Variants in CNTN4 observed in about 807,000 individuals in gnomAD.
CNTN4 encodes contactin 4, also known as contactin-4.
Under a neutral mutation model 122.5 loss-of-function variants are expected in CNTN4, and 77 were observed. That is an observed-to-expected ratio of 0.63 (90% CI 0.52 to 0.76). The LOEUF is 0.76. CNTN4 is among the 30% of genes least tolerant of loss of function. CNTN4 has a pLI of 0.00. For synonymous variants in CNTN4, 512 were observed against 447.0 expected, an observed-to-expected ratio of 1.15 and a Z score of -1.83; for missense variants, 1,256 against 1,259.1, an observed-to-expected ratio of 1.00 and a Z score of 0.04.
chr3:2,925,578 T>TC (rs760832259), intron 12 of CNTN4, 51 bp from the exon 13 acceptor site: 1 of 1,565,412 alleles, frequency 6.4e-7, no homozygotes, highest in South Asian at 1.1e-5. Flanking sequence ...TAAGGAATTA[T>TC]CTCATGGAAG....
chr3:2,829,272 T>C (rs2150358076), intron 7 of CNTN4, among the ~76,000 whole-genome samples: 2 of 152,304 alleles, frequency 1.3e-5, no homozygotes, highest in African/African-American at 4.8e-5. Flanking sequence ...GCCTCCTGTT[T>C]CACCCATTGA....
intron 4 of CNTN4, among the ~76,000 whole-genome samples, chr3:2,591,406 C>T (rs1301517368): frequency 7.8e-5 from 3 of 38,638 alleles, no homozygotes; most frequent in African/African-American, 1.8e-4. Context: ...GCTCTGTCGC[C>T]CAGGCTGGAG....
intron 18 of CNTN4, among the ~76,000 whole-genome samples, chr3:3,038,285 A>T (rs939842032): frequency 6.6e-6 from 1 of 152,122 alleles, no homozygotes; most frequent in African/African-American, 2.4e-5. Flanking sequence ...AAGCTCGCAT[A>T]ATTTCCTCTC....
rs1338340514 is a variant in CNTN4 at position 2,385,706 on chromosome 3, T to G, written c.-89+46473T>G. On this transcript the variant is annotated intron_variant, in intron 3 of 24. Coordinates refer to ENST00000418658, the MANE Select transcript of CNTN4 (RefSeq NM_175607.3). The surrounding 1 kb of genome is among the most constrained non-coding windows in gnomAD (Gnocchi z 4.0). ...TCACATGCTGCATTCCCTGTATGCC[T>G]GTGTGTTCAAATTTTTTCCTCTTCT... 6.6e-6 allele frequency among the ~76,000 whole-genome samples: 1 copy of G among 152,100 alleles called. No homozygotes were observed. Among genetic ancestry groups the G allele is most frequent in the Non-Finnish European group, 1.5e-5 (1 of 68,038 alleles).
intron 3 of CNTN4, among the ~76,000 whole-genome samples, chr3:2,492,261 G>A (rs11129164): frequency 0.28 from 42,064 of 151,980 alleles, 6,916 homozygotes; most frequent in Admixed American, 0.4. Context: ...TTATTATAGC[G>A]CCTGTTTTAT....
chr3:2,189,329 G>A (rs945491108), intron 2 of CNTN4, among the ~76,000 whole-genome samples: 2 of 152,172 alleles, frequency 1.3e-5, no homozygotes, highest in African/African-American at 2.4e-5. Context: ...GCCGCTAGAA[G>A]GCTGACCTGG....
intron 4 of CNTN4, among the ~76,000 whole-genome samples, chr3:2,672,742 T>C (rs994766046): frequency 2.6e-5 from 4 of 152,192 alleles, no homozygotes; most frequent in Non-Finnish European, 4.4e-5. Flanking sequence ...ATCTATAAAA[T>C]GTTTTAAATA....
At chr3:2,944,557 G>T (rs1263058810) in intron 13 of CNTN4, among the ~76,000 whole-genome samples, 4 of 152,062 alleles carry the variant, frequency 2.6e-5, no homozygotes, top group African/African-American at 9.7e-5. Context: ...TTGAATACTA[G>T]ACTCTATTAA....
intron 6 of CNTN4, among the ~76,000 whole-genome samples, chr3:2,795,593 T>C (rs1231692463): frequency 6.6e-6 from 1 of 150,552 alleles, no homozygotes; most frequent in Non-Finnish European, 1.5e-5. Flanking sequence ...CCATCTCGGC[T>C]CAGTGCAAGC....
At chr3:2,141,394 A>C (rs948965983) in intron 2 of CNTN4, among the ~76,000 whole-genome samples, 18 of 152,268 alleles carry the variant, frequency 1.2e-4, no homozygotes, top group African/African-American at 4.3e-4. Flanking sequence ...ACCATAAGCC[A>C]AGGATCAAGG....
intron 4 of CNTN4, among the ~76,000 whole-genome samples, chr3:2,613,988 T>C (rs1559305567): frequency 1.3e-5 from 2 of 152,102 alleles, no homozygotes; most frequent in African/African-American, 2.4e-5. Flanking sequence ...ATGAATGAGA[T>C]AGATAAAGTA....
chr3:2,799,692 A>G (rs914192020), intron 6 of CNTN4, among the ~76,000 whole-genome samples: 7 of 152,128 alleles, frequency 4.6e-5, no homozygotes, highest in African/African-American at 1.7e-4. Flanking sequence ...TCAAACTCCT[A>G]TAGTTTCAGG....
At chr3:2,280,268 C>G (rs1274463092) in intron 2 of CNTN4, among the ~76,000 whole-genome samples, 1 of 152,052 alleles carries the variant, frequency 6.6e-6, no homozygotes. Flanking sequence ...TATCAACAGG[C>G]ATTTATAAGC....
chr3:2,369,780 T>A (rs191952861), intron 3 of CNTN4, among the ~76,000 whole-genome samples: 168 of 152,002 alleles, frequency 1.1e-3, no homozygotes, highest in Middle Eastern at 6.8e-3. Context: ...GTCAGAAAGT[T>A]AAAAAAAATA....
intron 16 of CNTN4, among the ~76,000 whole-genome samples, chr3:3,032,854 G>A (rs559973429): frequency 6.6e-6 from 1 of 152,292 alleles, no homozygotes; most frequent in South Asian, 2.1e-4. Flanking sequence ...CATTTTGAAA[G>A]AGGGAGTCCA....
At chr3:2,629,109 C>A (rs2082316679) in intron 4 of CNTN4, among the ~76,000 whole-genome samples, 1 of 152,058 alleles carries the variant, frequency 6.6e-6, no homozygotes, top group Non-Finnish European at 1.5e-5. Context: ...AAGCCTTAAC[C>A]CCCAAATGTG....
chr3:2,776,854 C>G (rs763347493), intron 6 of CNTN4, among the ~76,000 whole-genome samples: 1 of 152,158 alleles, frequency 6.6e-6, no homozygotes, highest in Non-Finnish European at 1.5e-5. Context: ...CCCCTTCATT[C>G]AAACATCTTA....
At chr3:2,884,737 A>G (rs1577150836) in intron 9 of CNTN4, among the ~76,000 whole-genome samples, 1 of 152,228 alleles carries the variant, frequency 6.6e-6, no homozygotes, top group East Asian at 1.9e-4. Context: ...TTGAAAAATC[A>G]TCTGTGAAAA....
chr3:2,964,098 G>A (rs1257425081), intron 13 of CNTN4, among the ~76,000 whole-genome samples: 1 of 152,124 alleles, frequency 6.6e-6, no homozygotes, highest in East Asian at 1.9e-4. Context: ...CACTATTAGT[G>A]TTTTTGAGCA....
Sources: gnomAD v4.1 joint callset for allele counts (sites outside exome capture counted in the v4.1 genomes callset) on GRCh38, gnomAD v4.1.1 for gene constraint, Gnocchi (gnomAD v3.1) non-coding constraint, MANE v1.5 for transcripts, NCBI Gene and HGNC (gene_info 2026-07-23, HGNC 2026-07-21) for gene names.